RAB11FIP3: variants seen among roughly 807,000 people sequenced by gnomAD.
The protein encoded by RAB11FIP3 is RAB11 family interacting protein 3, also known as rab11 family-interacting protein 3.
A neutral mutation model predicts 77.8 loss-of-function variants in RAB11FIP3; 17 were observed. The observed-to-expected ratio is 0.22, with a 90% CI of 0.15 to 0.33. The LOEUF is 0.33. Among genes scored for constraint, RAB11FIP3 ranks in the 10% least tolerant of loss-of-function variants. The probability of loss-of-function intolerance (pLI) is 1.00; values close to 1 mark genes in which losing one functional copy is unlikely to be tolerated. For synonymous variants in RAB11FIP3, 437 were observed against 448.2 expected (o/e 0.98, Z 0.31); for missense variants, 1,005 against 1,011.2 (o/e 0.99, Z 0.08).
chr16:482,354 C>T (rs1465136712), intron 3 of RAB11FIP3, 171 bp from the exon 4 acceptor site: 1 of 735,198 alleles, frequency 1.4e-6, no homozygotes, highest in Non-Finnish European at 2.4e-6. Flanking sequence ...CCGCGCCCAG[C>T]CTGAATTGTG....
intron 3 of RAB11FIP3, among the ~76,000 whole-genome samples, chr16:474,103 G>T (rs1315423812): frequency 6.6e-6 from 1 of 151,906 alleles, no homozygotes; most frequent in Non-Finnish European, 1.5e-5. Flanking sequence ...AAAACAGCTT[G>T]CACATCATGT....
In RAB11FIP3 at chr16:502,231, C is replaced by A. The variant is rs114003467; in HGVS notation, c.1302-773C>A. On this transcript the variant is annotated intron_variant, in intron 6 of 13. Transcript: ENST00000262305. Reference sequence around the variant, plus strand: ...CACAGCGAATCTGACCACGTGGTGACCACAAGCACGCGCTTACTGCGCGCC... The same window carrying A: ...CACAGCGAATCTGACCACGTGGTGAACACAAGCACGCGCTTACTGCGCGCC... 5.7e-3 allele frequency among the ~76,000 whole-genome samples: 871 copies of A among 152,406 alleles called. 5 individuals carry two copies. The highest frequency in any genetic ancestry group is 0.02 in the African/African-American group (840 of 41,606).
At chr16:457,255 T>A (rs944619245) in intron 1 of RAB11FIP3, among the ~76,000 whole-genome samples, 2 of 152,146 alleles carry the variant, frequency 1.3e-5, no homozygotes, top group African/African-American at 4.8e-5. Context: ...CTTTCCTTTC[T>A]TTCAGATTAG....
At chr16:474,043 A>G (rs1198617155) in intron 3 of RAB11FIP3, among the ~76,000 whole-genome samples, 1 of 152,056 alleles carries the variant, frequency 6.6e-6, no homozygotes, top group Non-Finnish European at 1.5e-5. Flanking sequence ...GTAATTTTCC[A>G]CAAAGTGGAG....
At chr16:451,085 A>T (rs1317899244) in intron 1 of RAB11FIP3, among the ~76,000 whole-genome samples, 2 of 151,274 alleles carry the variant, frequency 1.3e-5, no homozygotes, top group Admixed American at 1.3e-4. Flanking sequence ...AAGTATTCTC[A>T]TGTGCATTTT....
intron 2 of RAB11FIP3, among the ~76,000 whole-genome samples, chr16:467,404 A>T (rs1288141012): frequency 6.8e-6 from 1 of 146,866 alleles, no homozygotes; most frequent in African/African-American, 2.4e-5. Flanking sequence ...GTCAGGGAGG[A>T]GGTGCAGTAG....
chr16:501,844 G>A (rs117193912), intron 6 of RAB11FIP3, among the ~76,000 whole-genome samples: 2,697 of 150,796 alleles, frequency 0.018, 28 homozygotes, highest in Non-Finnish European at 0.027. Context: ...GTTCGGAGAG[G>A]ATCCCCCATT....
intron 1 of RAB11FIP3, among the ~76,000 whole-genome samples, chr16:456,641 G>A (rs543814005): frequency 2.0e-5 from 3 of 151,568 alleles, no homozygotes; most frequent in Non-Finnish European, 4.4e-5. Context: ...AGCTGTAATC[G>A]CAACTACTTG....
rs1017725944 is a variant in RAB11FIP3, at chr16:493,838, C to T, written c.1266-2986C>T. ...CAATCTCCGGACCTCGTGATCCGCC[C>T]GCCTTGACCCCCCAAAGTGCTGGGA... On this transcript the variant is annotated intron_variant, in intron 5 of 13. Transcript: ENST00000262305. 6.1e-5 allele frequency among the ~76,000 whole-genome samples: 9 copies of T among 148,324 alleles called. 1 individual carries two copies. Among genetic ancestry groups the T allele is most frequent in the South Asian group, 4.6e-4 (2 of 4,358 alleles).
At chr16:443,199 G>C (rs949480120) in intron 1 of RAB11FIP3, among the ~76,000 whole-genome samples, 8 of 152,098 alleles carry the variant, frequency 5.3e-5, no homozygotes, top group Admixed American at 5.2e-4. Flanking sequence ...TGCAGACTAA[G>C]AAATACCAAG....
intron 1 of RAB11FIP3, among the ~76,000 whole-genome samples, chr16:427,953 T>C (rs1279675337): frequency 4.0e-5 from 6 of 151,840 alleles, no homozygotes; most frequent in Non-Finnish European, 8.8e-5. Context: ...ACAAAAAAAT[T>C]AGTCGGGCGT....
Position 461,276 on chromosome 16 carries a change from CCTCA to C in RAB11FIP3, c.715-126_715-123del. The C allele has an allele frequency of 1.6e-6, 1 of 636,512 alleles. No individual in the cohort carries two copies. Among genetic ancestry groups the C allele is most frequent in the Non-Finnish European group, 2.7e-6 (1 of 367,930 alleles). The allele number at this position is 636,512 out of a possible 1,614,324, so 39.4% of individuals were successfully genotyped here. A position where few individuals can be genotyped will look rare whatever the true frequency, so the allele number is the denominator to read the frequency against. Reference sequence around the variant, plus strand: ...GAGGGGAGCTCAGGCGGTAATGCTCCCTCACCTCCTGCTGTGCTTCCCCGTTCCC... The same window carrying C: ...GAGGGGAGCTCAGGCGGTAATGCTCCCCTCCTGCTGTGCTTCCCCGTTCCC... On this transcript the variant is annotated intron_variant, in intron 1 of 13. Coordinates refer to ENST00000262305, the MANE Select transcript of RAB11FIP3 (RefSeq NM_014700.4). This position sits in a 1 kb window ranked among gnomAD's most constrained non-coding sequence, Gnocchi z 4.5.
chr16:518,397 C>A (rs1441921338), intron 9 of RAB11FIP3, among the ~76,000 whole-genome samples: 2 of 152,150 alleles, frequency 1.3e-5, no homozygotes, highest in Non-Finnish European at 2.9e-5. Context: ...TTTCTGTAAA[C>A]CTAAAATTAT....
At chr16:481,841 C>T (rs2056048104) in intron 3 of RAB11FIP3, among the ~76,000 whole-genome samples, 1 of 75,964 alleles carries the variant, frequency 1.3e-5, no homozygotes, top group Non-Finnish European at 3.1e-5. Context: ...GGTGCCACCA[C>T]ACCTGGGCAA....
intron 1 of RAB11FIP3, among the ~76,000 whole-genome samples, chr16:451,894 A>C (rs2055414525): frequency 6.6e-6 from 1 of 152,102 alleles, no homozygotes. Flanking sequence ...TCATGCCTGT[A>C]ATCCCAGCAC....
Position 520,923 on chromosome 16 carries a change from C to G in RAB11FIP3, c.*84C>G. The G allele has an allele frequency of 8.9e-7, 1 of 1,120,500 alleles. No individual in the cohort carries two copies. The highest frequency in any genetic ancestry group is 1.4e-6 in the Non-Finnish European group (1 of 739,238). The allele number at this position is 1,120,500 out of a possible 1,614,324, so 69.4% of individuals were successfully genotyped here. ...TCAGACCATGAGGAGCCAAGACCAGCAGGTCCCACAGCCGACAGTGCCCAG... is the reference window on the plus strand; with the variant it reads ...TCAGACCATGAGGAGCCAAGACCAGGAGGTCCCACAGCCGACAGTGCCCAG... On this transcript the variant is annotated 3_prime_UTR_variant, in exon 14 of 14. Coordinates refer to ENST00000262305, the MANE Select transcript of RAB11FIP3 (RefSeq NM_014700.4).
At chr16:511,305 C>T in intron 9 of RAB11FIP3, among the ~76,000 whole-genome samples, 1 of 127,338 alleles carries the variant, frequency 7.9e-6, no homozygotes, top group Non-Finnish European at 1.6e-5. Flanking sequence ...TTCTTGACAG[C>T]CCGCCCACCC....
At chr16:442,059 C>T (rs1208764055) in intron 1 of RAB11FIP3, among the ~76,000 whole-genome samples, 7 of 152,170 alleles carry the variant, frequency 4.6e-5, no homozygotes, top group African/African-American at 1.4e-4. Flanking sequence ...AGGGTGGTCT[C>T]GTCTCCTGAC....
In RAB11FIP3 at chr16:522,106, C is replaced by A. The variant is rs1489372434; in HGVS notation, c.*1267C>A. 2 of 151,292 alleles carry A rather than the reference C, an allele frequency of 1.3e-5. No individual in the cohort carries two copies. The highest frequency in any genetic ancestry group is 2.0e-4 in the East Asian group (1 of 4,974). The allele number at this position is 151,292 out of a possible 1,614,324, so 9.4% of individuals were successfully genotyped here. ...ATGTAAGAGGTCGCCTCCTATTGTA[C>A]ATTTGGGGAAAGCCTTGGGTGTAAA... On this transcript the variant is annotated 3_prime_UTR_variant, in exon 14 of 14. Coordinates refer to ENST00000262305, the MANE Select transcript of RAB11FIP3 (RefSeq NM_014700.4).
Sources: gnomAD v4.1 joint callset for allele counts (sites outside exome capture counted in the v4.1 genomes callset) on GRCh38, gnomAD v4.1.1 for gene constraint, Gnocchi (gnomAD v3.1) non-coding constraint, MANE v1.5 for transcripts, NCBI Gene and HGNC (gene_info 2026-07-23, HGNC 2026-07-21) for gene names.